The following FKBP5 variants were observed in gnomAD, a reference collection of about 807,000 sequenced individuals.
The protein encoded by FKBP5 is FKBP prolyl isomerase 5.
In FKBP5, 23 loss-of-function variants were observed where a neutral mutation model predicts 50.5. That is an observed-to-expected ratio of 0.46 (90% CI 0.33 to 0.65). FKBP5 has a LOEUF of 0.65. Ranked by LOEUF, FKBP5 falls within the 30% of genes least tolerant of loss-of-function variation. The probability of loss-of-function intolerance (pLI) is 0.02; values close to 1 mark genes in which losing one functional copy is unlikely to be tolerated. For synonymous variants in FKBP5, 176 were observed against 190.6 expected (o/e 0.92, Z 0.63); for missense variants, 411 against 553.1 (o/e 0.74, Z 2.58).
chr6:35,719,423 A>G (rs375173712), intron 2 of FKBP5, among the ~76,000 whole-genome samples: 1 of 152,236 alleles, frequency 6.6e-6, no homozygotes, highest in Admixed American at 6.5e-5. Context: ...GTCAAAATTC[A>G]TCAGGCTGTA....
intron 8 of FKBP5, chr6:35,583,809 G>A: frequency 1.0e-6 from 1 of 985,370 alleles, no homozygotes; most frequent in Non-Finnish European, 1.2e-6. Context: ...ACTCTTCTTA[G>A]GAATTTTTTT....
At chr6:35,684,437 C>T (rs1765765855) in intron 1 of FKBP5, among the ~76,000 whole-genome samples, 1 of 152,118 alleles carries the variant, frequency 6.6e-6, no homozygotes, top group South Asian at 2.1e-4. Flanking sequence ...CTTGGCCTCC[C>T]AAAGTGCTGG....
intron 1 of FKBP5, among the ~76,000 whole-genome samples, chr6:35,676,898 T>C (rs1401867407): frequency 2.6e-5 from 4 of 152,194 alleles, no homozygotes; most frequent in Non-Finnish European, 5.9e-5. Flanking sequence ...AGACAACTGC[T>C]AGTGGGAAGA....
intron 1 of FKBP5, among the ~76,000 whole-genome samples, chr6:35,679,105 A>T (rs556185460): frequency 1.3e-5 from 2 of 152,288 alleles, no homozygotes; most frequent in African/African-American, 4.8e-5. Context: ...AAATACAAAT[A>T]ACCAAAATGT....
intron 3 of FKBP5, among the ~76,000 whole-genome samples, chr6:35,621,991 C>T (rs1403307752): frequency 6.6e-6 from 1 of 151,708 alleles, no homozygotes; most frequent in African/African-American, 2.4e-5. Context: ...TCTCAAAAAA[C>T]AAAAACAAAA....
chr6:35,634,629 C>T (rs979138130), intron 3 of FKBP5, among the ~76,000 whole-genome samples: 92 of 152,178 alleles, frequency 6.0e-4, no homozygotes, highest in African/African-American at 1.9e-3. Flanking sequence ...CAGATCCATG[C>T]TTAGTTAGCA....
intron 1 of FKBP5, among the ~76,000 whole-genome samples, chr6:35,665,753 A>T (rs1765197237): frequency 1.3e-5 from 2 of 152,216 alleles, no homozygotes; most frequent in South Asian, 4.1e-4. Flanking sequence ...GGAACTATGG[A>T]CAGTCCCCAA....
intron 1 of FKBP5, among the ~76,000 whole-genome samples, chr6:35,675,889 G>T (rs574123159): frequency 2.6e-5 from 4 of 152,084 alleles, no homozygotes; most frequent in Non-Finnish European, 4.4e-5. Context: ...TCTACCCTCA[G>T]GCTTGCCCAC....
chr6:35,633,651 CA>C (rs756652995), intron 3 of FKBP5, among the ~76,000 whole-genome samples: 2 of 151,884 alleles, frequency 1.3e-5, no homozygotes, highest in East Asian at 3.8e-4. Flanking sequence ...GATGTTTTAC[CA>C]GAGGTATATT....
At chr6:35,693,112 C>T (rs1766020716), upstream of FKBP5, among the ~76,000 whole-genome samples, 1 of 139,988 alleles carries the variant, frequency 7.1e-6, no homozygotes, top group African/African-American at 2.6e-5. Context: ...CATCTTAAAC[C>T]CAACCATTGA....
chr6:35,588,763 G>A (rs1356188664), intron 7 of FKBP5, among the ~76,000 whole-genome samples: 1 of 149,194 alleles, frequency 6.7e-6, no homozygotes, highest in Non-Finnish European at 1.5e-5. Flanking sequence ...ACCATGTCCA[G>A]CTAATTTTTT....
In FKBP5 at chr6:35,628,984, C is replaced by T. The variant is rs137882039; in HGVS notation, c.250+8030G>A. Among the ~76,000 whole-genome samples, 1,101 of 151,858 alleles carry T rather than the reference C, an allele frequency of 7.3e-3. 17 individuals carry two copies. The highest frequency in any genetic ancestry group is 0.025 in the African/African-American group (1,046 of 41,408). On this transcript the variant is annotated intron_variant, in intron 3 of 10. Transcript: ENST00000357266. ...TGCCCGCCTCGGCCTCCCAAAGTGCCGGGATTACAGGCATGAGCCACCACG... is the reference window on the plus strand; with the variant it reads ...TGCCCGCCTCGGCCTCCCAAAGTGCTGGGATTACAGGCATGAGCCACCACG...
At chr6:35,709,392 G>A (rs1454792540) in intron 2 of FKBP5, among the ~76,000 whole-genome samples, 1 of 152,146 alleles carries the variant, frequency 6.6e-6, no homozygotes, top group Non-Finnish European at 1.5e-5. Context: ...AAAGCAAGGT[G>A]CAAGCAATGC....
chr6:35,631,046 A>G (rs1011198726), intron 3 of FKBP5, among the ~76,000 whole-genome samples: 1 of 152,206 alleles, frequency 6.6e-6, no homozygotes, highest in African/African-American at 2.4e-5. Flanking sequence ...TAGGCACAAG[A>G]AGAGAGACCC....
At chr6:35,631,684 T>G (rs1764158823) in intron 3 of FKBP5, among the ~76,000 whole-genome samples, 1 of 152,076 alleles carries the variant, frequency 6.6e-6, no homozygotes, top group Admixed American at 6.6e-5. Context: ...AGGCTGGGTG[T>G]GGTGGCTCAC....
Position 35,580,046 on chromosome 6 carries a change from C to T in FKBP5, c.1016G>A (p.Cys339Tyr). ...GAGACACGATGTTACCTTGTCACAG[C>T]ATTCAACAGCTTTGGTGTATTCTCT... is the stretch of plus-strand genomic sequence containing the variant. Reference protein sequence around the residue: ...KLREYTKAVECCDKALGLDSA... With the variant: ...KLREYTKAVEYCDKALGLDSA... The change falls in exon 9 of 11, where the codon TGC becomes TAC. Residue 339 changes from cysteine to tyrosine, a missense_variant. Coordinates refer to ENST00000357266, the MANE Select transcript of FKBP5 (RefSeq NM_004117.4). 4 of 1,613,744 alleles carry T rather than the reference C, an allele frequency of 2.5e-6. No homozygotes were observed. The highest frequency in any genetic ancestry group is 1.3e-5 in the African/African-American group (1 of 75,034).
In FKBP5 at chr6:35,587,134, G is replaced by T; in HGVS notation, c.757-17C>A. On this transcript the variant is annotated splice_polypyrimidine_tract_variant and intron_variant, in intron 7 of 10. Transcript: ENST00000357266. The stretch of plus-strand genomic sequence containing the variant: ...TTCTTTGGCCTGTGTGTAAATTTGT[G>T]ACAATGGTTAGATGAACAGAGAGAA... The T allele has an allele frequency of 6.2e-7, 1 of 1,612,180 alleles. No homozygotes were observed. The highest frequency in any genetic ancestry group is 1.1e-5 in the South Asian group (1 of 91,036).
intron 2 of FKBP5, among the ~76,000 whole-genome samples, chr6:35,707,233 T>TTTTTG (rs1766332802): frequency 6.9e-6 from 1 of 144,356 alleles, no homozygotes; most frequent in African/African-American, 2.5e-5. Context: ...TTTTTTTTTT[T>TTTTTG]GAGATGGAGT....
intron 5 of FKBP5, among the ~76,000 whole-genome samples, chr6:35,606,505 A>T (rs921062585): frequency 1.3e-5 from 2 of 151,644 alleles, no homozygotes; most frequent in Admixed American, 6.6e-5. Context: ...AAAATATTTT[A>T]AAAAATTAGC....
Sources: allele counts gnomAD v4.1 joint callset (sites outside exome capture counted in the v4.1 genomes callset), GRCh38; gene constraint gnomAD v4.1.1; transcripts MANE v1.5; gene names NCBI Gene and HGNC (gene_info 2026-07-23, HGNC 2026-07-21).